The following CPT2 variants were observed in gnomAD, a reference collection of about 807,000 sequenced individuals.
The protein encoded by CPT2 is carnitine O-palmitoyltransferase 2, mitochondrial.
Under a neutral mutation model 48.6 loss-of-function variants are expected in CPT2, and 37 were observed. The ratio of observed to expected loss-of-function variants is 0.76; its 90% CI spans 0.59 to 1.00. The LOEUF (loss-of-function observed/expected upper bound fraction) is 1.00, where lower values mean the gene tolerates loss of function less well. CPT2 is among the 50% of genes least tolerant of loss of function. The probability of loss-of-function intolerance (pLI) is 0.00; values close to 1 mark genes in which losing one functional copy is unlikely to be tolerated. For synonymous variants in CPT2, 319 were observed against 326.9 expected (o/e 0.98, Z 0.26); for missense variants, 772 against 825.6 (o/e 0.94, Z 0.80).
chr1:53,197,337 AACGCTTCTCAG>A (rs1645330027), intron 1 of CPT2: 1 of 588,816 alleles, frequency 1.7e-6, no homozygotes, highest in African/African-American at 1.9e-5. Flanking sequence ...CTCCATCTTG[AACGCTTCTCAG>A]ATTCCCTCTC....
chr1:53,206,577 A>T (rs1645391163), intron 3 of CPT2, among the ~76,000 whole-genome samples: 1 of 152,220 alleles, frequency 6.6e-6, no homozygotes, highest in Non-Finnish European at 1.5e-5. Flanking sequence ...GATGTGAGAC[A>T]TGGAGTCAAA....
rs778655162 is a variant in CPT2 at position 53,210,398 on chromosome 1, C to T, written c.724C>T (p.His242Tyr). ...DELFTDDKAR[H>Y]LLVLRKGNFY... ...ACTCTTCACTGATGACAAGGCCAGA[C>T]ACCTCCTGGTCCTAAGGAAAGGAAA... Residue 242 changes from histidine (H) to tyrosine (Y), a missense_variant, in exon 4 of 5, where the codon CAC (histidine) becomes TAC (tyrosine). By Grantham distance (83) the His-to-Tyr change is moderately conservative (BLOSUM62 2). Coordinates refer to ENST00000371486, the MANE Select transcript of CPT2 (RefSeq NM_000098.3). 1.2e-6 allele frequency: 2 copies of T among 1,614,042 alleles called. No homozygotes were observed. Among genetic ancestry groups the T allele is most frequent in the South Asian group, 2.2e-5 (2 of 91,088 alleles).
rs1458948855 is a variant in CPT2 at position 53,211,229 on chromosome 1, G to A, written c.1555G>A (p.Glu519Lys). The A allele has an allele frequency of 3.1e-6, 5 of 1,610,196 alleles. No homozygotes were observed. Among genetic ancestry groups the A allele is most frequent in the Non-Finnish European group, 4.2e-6 (5 of 1,177,428 alleles). ...GAGGTGCTCTGAGGCCTTTGTCAGG[G>A]AGCCCTCCAGGCACAGTGCTGGTGA... ...TKRCSEAFVR[E>K]PSRHSAGELQ... Residue 519 changes from glutamate to lysine, a missense_variant, in exon 4 of 5, where the codon GAG becomes AAG. Transcript: ENST00000371486.
rs74315298 is a variant in CPT2 at position 53,210,354 on chromosome 1, C to T, written c.680C>T (p.Pro227Leu). Reference protein sequence around the residue: ...YFRLFNSTRLPKPSRDELFTD... With the variant: ...YFRLFNSTRLLKPSRDELFTD... Reference sequence around the variant, plus strand: ...CGGCTTTTCAACTCAACTCGTTTACCCAAACCCAGTCGGGATGAACTCTTC... The same window carrying T: ...CGGCTTTTCAACTCAACTCGTTTACTCAAACCCAGTCGGGATGAACTCTTC... Residue 227 changes from proline (P) to leucine (L), a missense_variant, in exon 4 of 5, where the codon CCC (proline) becomes CTC (leucine). Transcript: ENST00000371486. 84 of 1,614,108 alleles carry T rather than the reference C, an allele frequency of 5.2e-5. No individual in the cohort carries two copies. In the African/African-American group the frequency reaches 1.0e-3, roughly 20 times the overall value.
Position 53,210,594 on chromosome 1 carries a change from TGAG to T in CPT2, c.921_923del (p.Met307_Ser308delinsIle), listed in dbSNP as rs751090469. 5.5e-5 allele frequency: 88 copies of T among 1,613,874 alleles called. 1 individual carries two copies. The highest frequency in any genetic ancestry group is 5.0e-4 in the Admixed American group (30 of 59,978). The stretch of plus-strand genomic sequence containing the variant: ...TGGGCAGAGCTCAGGCAGAAGCTGA[TGAG>T]TAGTGGCAATGAGGAGAGCCTGAGG... On this transcript the variant is annotated inframe_deletion, in exon 4 of 5. Transcript: ENST00000371486.
chr1:53,197,215 AG>A, intron 1 of CPT2, 120 bp downstream of exon 1: 1 of 1,196,300 alleles, frequency 8.4e-7, no homozygotes, highest in East Asian at 2.6e-5. Flanking sequence ...CCTACCATGG[AG>A]GCTGCCACAG....
rs1237636101 is a variant in CPT2, at chr1:53,213,754, C to T, written c.*159C>T. 3.0e-6 allele frequency: 2 copies of T among 656,084 alleles called. No individual in the cohort carries two copies. The highest frequency in any genetic ancestry group is 2.8e-5 in the East Asian group (1 of 35,758). The allele number at this position is 656,084 out of a possible 1,614,324, so 40.6% of individuals were successfully genotyped here. ...GACCAACCTGGCCAACATGGTGAAACCTTGTCTCTACTAAAAATACAAAAA... is the reference window on the plus strand; with the variant it reads ...GACCAACCTGGCCAACATGGTGAAATCTTGTCTCTACTAAAAATACAAAAA... On this transcript the variant is annotated 3_prime_UTR_variant, in exon 5 of 5. Transcript: ENST00000371486.
chr1:53,199,967 T>A (rs1042140565), intron 1 of CPT2: 4 of 152,228 alleles, frequency 2.6e-5, no homozygotes, highest in African/African-American at 9.6e-5. Context: ...TGTTTTGCTA[T>A]TAGGGGATAT....
At chr1:53,206,782 C>G (rs537030804) in intron 3 of CPT2, among the ~76,000 whole-genome samples, 110 of 152,262 alleles carry the variant, frequency 7.2e-4, no homozygotes, top group Admixed American at 8.5e-4. Flanking sequence ...AAGGAACTTG[C>G]CTTTACTCAG....
chr1:53,213,896 G>C lies in CPT2; in HGVS notation c.*301G>C. On this transcript the variant is annotated 3_prime_UTR_variant, in exon 5 of 5. Transcript: ENST00000371486. ...AGCTGAGATCACACCACTGCACTCC[G>C]GCCTGGGCGACAGAGCGAGACTGTC... 1 of 385,384 alleles carries C rather than the reference G, an allele frequency of 2.6e-6. No individual in the cohort carries two copies. The highest frequency in any genetic ancestry group is 4.9e-6 in the Non-Finnish European group (1 of 204,136). The allele number at this position is 385,384 out of a possible 1,614,324, so 23.9% of individuals were successfully genotyped here.
chr1:53,200,971 G>T (rs1645351746), intron 2 of CPT2, 172 bp downstream of exon 2: 4 of 680,182 alleles, frequency 5.9e-6, no homozygotes, highest in South Asian at 4.6e-5. Flanking sequence ...ATGAAGGACT[G>T]ACCAAGCCCC....
Position 53,213,445 on chromosome 1 carries a change from C to T in CPT2, c.1827C>T (p.Gly609=). 1 of 1,614,240 alleles carries T rather than the reference C, an allele frequency of 6.2e-7. No homozygotes were observed. Among genetic ancestry groups the T allele is most frequent in the Non-Finnish European group, 8.5e-7 (1 of 1,180,046 alleles). Residue 609 remains glycine, a synonymous_variant, in exon 5 of 5, where the codon GGC becomes GGT. Coordinates refer to ENST00000371486, the MANE Select transcript of CPT2 (RefSeq NM_000098.3). Reference sequence around the variant, plus strand: ...GCTTTGCCCCTGTGGTCTCTGATGGCTTTGGTGTTGGGTATGCTGTTCATG... The same window carrying T: ...GCTTTGCCCCTGTGGTCTCTGATGGTTTTGGTGTTGGGTATGCTGTTCATG... The part of the protein sequence containing the change: ...LGGFAPVVSD[G]FGVGYAVHDN...
In CPT2 at chr1:53,210,999, C is replaced by A; in HGVS notation, c.1325C>A (p.Thr442Asn). 1.2e-6 allele frequency: 2 copies of A among 1,614,224 alleles called. No individual in the cohort carries two copies. The highest frequency in any genetic ancestry group is 1.7e-6 in the Non-Finnish European group (2 of 1,180,038). ...EKFDATMKTL[T>N]IDCVQFQRGG... The stretch of plus-strand genomic sequence containing the variant: ...TTTGATGCCACCATGAAAACCCTCA[C>A]TATTGACTGCGTCCAGTTTCAGAGA... Residue 442 changes from threonine (T) to asparagine (N), a missense_variant, in exon 4 of 5, where the codon ACT becomes AAT. Coordinates refer to ENST00000371486, the MANE Select transcript of CPT2 (RefSeq NM_000098.3).
Position 53,213,581 on chromosome 1 carries a change from T to C in CPT2, c.1963T>C (p.Ser655Pro), listed in dbSNP as rs138893547. The C allele has an allele frequency of 4.3e-6, 7 of 1,613,526 alleles. No homozygotes were observed. In the African/African-American group the frequency reaches 8.0e-5, roughly 18 times the overall value. Residue 655 changes from serine to proline, a missense_variant, in exon 5 of 5, where the codon TCC (serine) becomes CCC (proline). Physicochemically the swap from Ser to Pro is moderately conservative, Grantham distance 74. Coordinates refer to ENST00000371486, the MANE Select transcript of CPT2 (RefSeq NM_000098.3). ...CATGTTTGATGCCTTAGAAGGCAAA[T>C]CCATCAAAAGTTAACTTCTGGGCAG... ...EDMFDALEGK[S>P]IKS
chr1:53,198,595 T>C (rs1557712709), intron 1 of CPT2, among the ~76,000 whole-genome samples: 1 of 152,226 alleles, frequency 6.6e-6, no homozygotes, highest in Admixed American at 6.5e-5. Context: ...CTGTCTTCAC[T>C]TGCCAAGTTC....
At position 53,211,016 on chromosome 1, in the gene CPT2, T is replaced by C. The variant is rs74315297; in HGVS notation, c.1342T>C (p.Phe448Leu). The C allele has an allele frequency of 1.2e-4, 190 of 1,614,056 alleles. No homozygotes were observed. Among genetic ancestry groups the C allele is most frequent in the Non-Finnish European group, 1.6e-5 (19 of 1,180,032 alleles). ...MKTLTIDCVQ[F>L]QRGGKEFLKK... ...AACCCTCACTATTGACTGCGTCCAGTTTCAGAGAGGAGGCAAAGAATTCCT... is the reference window on the plus strand; with the variant it reads ...AACCCTCACTATTGACTGCGTCCAGCTTCAGAGAGGAGGCAAAGAATTCCT... Residue 448 changes from phenylalanine to leucine, a missense_variant, in exon 4 of 5, where the codon TTT becomes CTT. Physicochemically the swap from Phe to Leu is conservative, Grantham distance 22. Coordinates refer to ENST00000371486, the MANE Select transcript of CPT2 (RefSeq NM_000098.3).
At chr1:53,211,577 G>A (rs1645428465) in intron 4 of CPT2, 2 of 502,576 alleles carry the variant, frequency 4.0e-6, no homozygotes, top group East Asian at 3.1e-5. Flanking sequence ...TTTCAGCTGT[G>A]ACGCATTAAT....
At chr1:53,202,286 A>T in intron 2 of CPT2, 37 bp from the exon 3 acceptor site, 1 of 1,481,436 alleles carries the variant, frequency 6.8e-7, no homozygotes, top group Non-Finnish European at 9.4e-7. Context: ...TGTATTCCCT[A>T]CCATGGTTTG....
chr1:53,197,306 C>T (rs1645329829), intron 1 of CPT2: 2 of 642,074 alleles, frequency 3.1e-6, no homozygotes, highest in Non-Finnish European at 5.5e-6. Context: ...CTTCCAGAAC[C>T]CCTCGATGCT....
Sources: gnomAD v4.1 joint callset for allele counts (sites outside exome capture counted in the v4.1 genomes callset) on GRCh38, gnomAD v4.1.1 for gene constraint, MANE v1.5 for transcripts, NCBI Gene and HGNC (gene_info 2026-07-23, HGNC 2026-07-21) for gene names.